Variants in SLF1 observed in about 807,000 individuals in gnomAD.
SLF1 encodes SMC5-SMC6 complex localization factor protein 1.
SLF1 carries 105 observed loss-of-function variants against 123.0 expected under a neutral mutation model. That is an observed-to-expected ratio of 0.85 (90% CI 0.73 to 1.00). The LOEUF is 1.00. Among genes scored for constraint, SLF1 ranks in the 50% least tolerant of loss-of-function variants. The probability of loss-of-function intolerance (pLI) is 0.00; values close to 1 mark genes in which losing one functional copy is unlikely to be tolerated. For synonymous variants in SLF1, 434 were observed against 406.6 expected (o/e 1.07, Z -0.81); for missense variants, 1,239 against 1,223.0 (o/e 1.01, Z -0.20).
chr5:94,660,796 G>T (rs550103305), intron 9 of SLF1, among the ~76,000 whole-genome samples: 4 of 152,312 alleles, frequency 2.6e-5, no homozygotes, highest in Non-Finnish European at 5.9e-5. Context: ...GTGGGACAGG[G>T]TTTCTGCCAG....
Position 94,696,232 on chromosome 5 carries a change from T to G in SLF1, c.*920T>G, listed in dbSNP as rs1393988601. ...GAGTTTCTTCACTACTGGGAGTAAG[T>G]TACATTATGATACAGGTGGAAAATA... On this transcript the variant is annotated 3_prime_UTR_variant, in exon 21 of 21. Transcript: ENST00000265140. 1 of 151,772 alleles carries G rather than the reference T, an allele frequency of 6.6e-6. No homozygotes were observed. The highest frequency in any genetic ancestry group is 1.9e-4 in the East Asian group (1 of 5,162). 9.4% of individuals were successfully genotyped at this position (151,772 alleles called of 1,614,324 possible).
intron 4 of SLF1, among the ~76,000 whole-genome samples, chr5:94,640,508 G>A: frequency 6.6e-6 from 1 of 152,002 alleles, no homozygotes; most frequent in East Asian, 1.9e-4. Context: ...GAGGATCTCT[G>A]AGCTTGTGTA....
intron 1 of SLF1, among the ~76,000 whole-genome samples, chr5:94,623,273 T>C (rs1239303566): frequency 6.6e-6 from 1 of 152,168 alleles, no homozygotes; most frequent in African/African-American, 2.4e-5. Context: ...TTGCTTGCTA[T>C]GCATAAAGGC....
rs1402763329 is a variant in SLF1 at position 94,649,904 on chromosome 5, G to A, written c.738+307G>A. On this transcript the variant is annotated intron_variant, in intron 6 of 20. Transcript: ENST00000265140. ...TACTTATGTTTAGGTAACATCGTGT[G>A]TCTTATAAAGCATTTTTCTTACCTG... Among the ~76,000 whole-genome samples, 7 of 152,150 alleles carry A rather than the reference G, an allele frequency of 4.6e-5. No individual in the cohort carries two copies. In the South Asian group the frequency reaches 1.0e-3, roughly 23 times the overall value.
chr5:94,693,359 T>C (rs1403953947), intron 20 of SLF1, among the ~76,000 whole-genome samples: 1 of 152,060 alleles, frequency 6.6e-6, no homozygotes, highest in Non-Finnish European at 1.5e-5. Flanking sequence ...GTTTTATTTT[T>C]CTACTCAGCC....
intron 14 of SLF1, among the ~76,000 whole-genome samples, chr5:94,671,756 T>G (rs982222996): frequency 1.3e-5 from 2 of 151,802 alleles, no homozygotes; most frequent in African/African-American, 4.8e-5. Flanking sequence ...TGAGTACAAC[T>G]TGACATTCAT....
chr5:94,660,953 G>C (rs963053506), intron 9 of SLF1, among the ~76,000 whole-genome samples: 2 of 152,040 alleles, frequency 1.3e-5, no homozygotes, highest in Non-Finnish European at 2.9e-5. Context: ...TGGCCACCTA[G>C]TTGCATTGTT....
intron 1 of SLF1, among the ~76,000 whole-genome samples, chr5:94,622,429 G>C (rs1451647259): frequency 6.6e-6 from 1 of 152,098 alleles, no homozygotes; most frequent in African/African-American, 2.4e-5. Context: ...ACCATGAAGA[G>C]TATTAAGTGG....
intron 3 of SLF1, among the ~76,000 whole-genome samples, chr5:94,630,098 G>A (rs896010486): frequency 2.0e-5 from 3 of 152,134 alleles, no homozygotes; most frequent in African/African-American, 4.8e-5. Flanking sequence ...ATAGGAGGAA[G>A]AATATAAATC....
intron 1 of SLF1, among the ~76,000 whole-genome samples, chr5:94,626,231 C>G (rs951087973): frequency 7.2e-6 from 1 of 138,412 alleles, no homozygotes; most frequent in Non-Finnish European, 1.5e-5. Context: ...CCAGCCTGGG[C>G]GACAGAGTGA....
intron 1 of SLF1, among the ~76,000 whole-genome samples, chr5:94,622,049 G>A (rs1327656871): frequency 6.6e-6 from 1 of 152,138 alleles, no homozygotes; most frequent in African/African-American, 2.4e-5. Flanking sequence ...AAAGGGGCCA[G>A]AATTTCTAAA....
chr5:94,665,757 AAG>A, intron 11 of SLF1, 102 bp from the exon 12 acceptor site: 1 of 1,081,780 alleles, frequency 9.2e-7, no homozygotes, highest in Non-Finnish European at 1.3e-6. Flanking sequence ...CGTCTCAAAA[AAG>A]AAAGTTAGGC....
intron 4 of SLF1, 101 bp downstream of exon 4, chr5:94,630,844 G>A (rs1745118658): frequency 1.5e-6 from 2 of 1,312,806 alleles, no homozygotes; most frequent in Non-Finnish European, 2.1e-6. Context: ...GCCCAAATGA[G>A]CCATGGTGAT....
intron 5 of SLF1, 88 bp from the exon 6 acceptor site, chr5:94,649,366 A>G (rs1747419369): frequency 2.7e-6 from 3 of 1,101,300 alleles, no homozygotes; most frequent in Non-Finnish European, 3.6e-6. Context: ...CTAACAAAGT[A>G]TTATAGTTAA....
chr5:94,635,995 C>A lies in SLF1; in HGVS notation c.431+5252C>A, dbSNP rs532320225. Among the ~76,000 whole-genome samples the A allele has an allele frequency of 4.6e-5, 7 of 152,272 alleles. No individual in the cohort carries two copies. In the South Asian group the frequency reaches 1.0e-3, roughly 23 times the overall value. ...AGGCAGCCCTTATCATGATAAACTA[C>A]TTTAGTTTTTGTTTGGGAAATTTTT... On this transcript the variant is annotated intron_variant, in intron 4 of 20. Transcript: ENST00000265140.
In SLF1 at chr5:94,672,473, C is replaced by G. The variant is rs573866989; in HGVS notation, c.1827+1465C>G. Among the ~76,000 whole-genome samples the G allele has an allele frequency of 3.3e-5, 5 of 151,698 alleles. No homozygotes were observed. In the East Asian group the frequency reaches 9.7e-4, roughly 29 times the overall value. ...TCTCTCCCTCTTTCTCTCCCTCTAC[C>G]ATTTCCCCTGTCCTCCTCTTTCTCC... On this transcript the variant is annotated intron_variant, in intron 14 of 20. Coordinates refer to ENST00000265140, the MANE Select transcript of SLF1 (RefSeq NM_032290.4).
intron 4 of SLF1, among the ~76,000 whole-genome samples, chr5:94,637,463 G>A (rs1245449958): frequency 6.6e-6 from 1 of 152,084 alleles, no homozygotes; most frequent in Non-Finnish European, 1.5e-5. Context: ...CAGGCTCAGG[G>A]TGTATTCCAT....
rs192681364 is a variant in SLF1 at position 94,657,959 on chromosome 5, A to G, written c.1155+3207A>G. On this transcript the variant is annotated intron_variant, in intron 9 of 20. Coordinates refer to ENST00000265140, the MANE Select transcript of SLF1 (RefSeq NM_032290.4). ...TTTTAACAGGTGGAGAGAGTTTCTTATAGGCAACACACTGCTTTTTTAATA... is the reference window on the plus strand; with the variant it reads ...TTTTAACAGGTGGAGAGAGTTTCTTGTAGGCAACACACTGCTTTTTTAATA... 1.3e-4 allele frequency among the ~76,000 whole-genome samples: 20 copies of G among 152,114 alleles called. No individual in the cohort carries two copies. In the East Asian group the frequency reaches 3.7e-3, roughly 28 times the overall value.
intron 5 of SLF1, among the ~76,000 whole-genome samples, chr5:94,648,064 A>AT (rs1212329658): frequency 5.9e-5 from 9 of 152,120 alleles, no homozygotes; most frequent in Non-Finnish European, 1.3e-4. Flanking sequence ...TATTCTGGAC[A>AT]TTTTTTGAGG....
Sources: allele counts gnomAD v4.1 joint callset (sites outside exome capture counted in the v4.1 genomes callset), GRCh38; gene constraint gnomAD v4.1.1; transcripts MANE v1.5; gene names NCBI Gene and HGNC (gene_info 2026-07-23, HGNC 2026-07-21).